FARS2: variants seen among roughly 807,000 people sequenced by gnomAD.
FARS2 encodes phenylalanine--tRNA ligase, mitochondrial.
Under a neutral mutation model 46.4 loss-of-function variants are expected in FARS2, and 40 were observed. The ratio of observed to expected loss-of-function variants is 0.86; its 90% CI spans 0.67 to 1.12. The LOEUF (loss-of-function observed/expected upper bound fraction) is 1.12, where lower values mean the gene tolerates loss of function less well. Ranked by LOEUF, FARS2 falls within the 50% of genes most tolerant of loss-of-function variation. FARS2 has a pLI of 0.00. For synonymous variants in FARS2, 234 were observed against 214.9 expected (o/e 1.09, Z -0.78); for missense variants, 513 against 567.9 (o/e 0.90, Z 0.98).
chr6:5,307,518 G>T (rs183435069), intron 1 of FARS2, among the ~76,000 whole-genome samples: 1 of 152,052 alleles, frequency 6.6e-6, no homozygotes, highest in African/African-American at 2.4e-5. Flanking sequence ...CACAATTTCC[G>T]TCGTATCATA....
intron 6 of FARS2, among the ~76,000 whole-genome samples, chr6:5,694,677 T>C (rs761709219): frequency 6.6e-6 from 1 of 151,974 alleles, no homozygotes; most frequent in Non-Finnish European, 1.5e-5. Context: ...TGCCTATGAG[T>C]TCTCATTTGA....
chr6:5,260,894 A>G, upstream of FARS2: 1 of 1,397,410 alleles, frequency 7.2e-7, no homozygotes, highest in South Asian at 1.6e-5. Context: ...AGCCCTGCGG[A>G]TCGCGGACGG....
At chr6:5,391,820 A>C (rs764853857) in intron 2 of FARS2, among the ~76,000 whole-genome samples, 7 of 152,190 alleles carry the variant, frequency 4.6e-5, no homozygotes, top group Non-Finnish European at 1.0e-4. Flanking sequence ...TGGCTTTTGC[A>C]ATCTACTTTT....
Position 5,765,236 on chromosome 6 carries a change from CA to C in FARS2, c.1218-6054del, listed in dbSNP as rs1762691377. On this transcript the variant is annotated intron_variant, in intron 6 of 6. Coordinates refer to ENST00000274680, the MANE Select transcript of FARS2 (RefSeq NM_006567.5). This position sits in a 1 kb window ranked among gnomAD's most constrained non-coding sequence, Gnocchi z 4.0. ...CCCTGGCTCTCGGCTTCCACACAAGCAGCTACTCTTGTACAGGATGGTAAAG... is the reference window on the plus strand; with the variant it reads ...CCCTGGCTCTCGGCTTCCACACAAGCGCTACTCTTGTACAGGATGGTAAAG... 6.6e-6 allele frequency among the ~76,000 whole-genome samples: 1 copy of C among 152,252 alleles called. No individual in the cohort carries two copies. Among genetic ancestry groups the C allele is most frequent in the Admixed American group, 6.5e-5 (1 of 15,284 alleles).
chr6:5,622,985 C>T (rs1275348696), intron 6 of FARS2, among the ~76,000 whole-genome samples: 2 of 152,122 alleles, frequency 1.3e-5, no homozygotes, highest in Admixed American at 1.3e-4. Context: ...GTAGAGTCCA[C>T]GTAGTTTAGT....
At chr6:5,258,540 T>C (rs1764787646), upstream of FARS2, among the ~76,000 whole-genome samples, 1 of 152,224 alleles carries the variant, frequency 6.6e-6, no homozygotes, top group Non-Finnish European at 1.5e-5. Context: ...GACAAACAGC[T>C]GCAGAGATTA....
intron 1 of FARS2, among the ~76,000 whole-genome samples, chr6:5,283,246 G>A (rs1009699771): frequency 2.6e-5 from 4 of 151,946 alleles, no homozygotes; most frequent in African/African-American, 7.3e-5. Context: ...GTTGGCATGC[G>A]CCTGTAATCC....
At chr6:5,477,022 T>C (rs1266095782) in intron 4 of FARS2, among the ~76,000 whole-genome samples, 1 of 152,210 alleles carries the variant, frequency 6.6e-6, no homozygotes, top group African/African-American at 2.4e-5. Flanking sequence ...AAAATATCCC[T>C]CTTTCTTTAT....
chr6:5,401,108 A>G (rs572567022), intron 2 of FARS2, among the ~76,000 whole-genome samples: 15 of 151,900 alleles, frequency 9.9e-5, no homozygotes, highest in Non-Finnish European at 1.9e-4. Context: ...TTATTTTTTT[A>G]AGAGGTGAAT....
chr6:5,601,393 G>A (rs191908387), intron 5 of FARS2, among the ~76,000 whole-genome samples: 47 of 151,852 alleles, frequency 3.1e-4, no homozygotes, highest in East Asian at 2.3e-3. Flanking sequence ...GCATGGTGGC[G>A]GGCGCCTGTA....
intron 4 of FARS2, among the ~76,000 whole-genome samples, chr6:5,496,910 C>G (rs1478466654): frequency 6.6e-6 from 1 of 152,048 alleles, no homozygotes; most frequent in Non-Finnish European, 1.5e-5. Flanking sequence ...ATTCAAACTC[C>G]TGACCTCAAG....
At chr6:5,370,214 A>G (rs1217092600) in intron 2 of FARS2, among the ~76,000 whole-genome samples, 1 of 152,206 alleles carries the variant, frequency 6.6e-6, no homozygotes, top group Non-Finnish European at 1.5e-5. Flanking sequence ...GTCCTATAGC[A>G]GGAGATAACT....
chr6:5,660,026 T>C (rs1777779282), intron 6 of FARS2, among the ~76,000 whole-genome samples: 1 of 152,216 alleles, frequency 6.6e-6, no homozygotes, highest in South Asian at 2.1e-4. Context: ...CCCACCTGTG[T>C]TATTGCTTAG....
intron 6 of FARS2, among the ~76,000 whole-genome samples, chr6:5,619,237 T>C (rs957901318): frequency 1.3e-5 from 2 of 152,160 alleles, no homozygotes; most frequent in African/African-American, 2.4e-5. Context: ...AGACAGACCT[T>C]TTTGAGAGTG....
At chr6:5,636,473 CA>C (rs1320273169) in intron 6 of FARS2, among the ~76,000 whole-genome samples, 2 of 152,234 alleles carry the variant, frequency 1.3e-5, no homozygotes, top group Non-Finnish European at 2.9e-5. Flanking sequence ...TGGACCCGGA[CA>C]GATGCTTGAC....
chr6:5,689,714 T>C (rs1757540631), intron 6 of FARS2, among the ~76,000 whole-genome samples: 1 of 152,168 alleles, frequency 6.6e-6, no homozygotes, highest in African/African-American at 2.4e-5. Context: ...GTCTATTAGG[T>C]CCGCTTGGTG....
intron 6 of FARS2, among the ~76,000 whole-genome samples, chr6:5,646,045 A>G (rs1187621725): frequency 6.6e-6 from 1 of 152,090 alleles, no homozygotes; most frequent in Non-Finnish European, 1.5e-5. Flanking sequence ...TAAGTCTCGT[A>G]TGGTTTGGTG....
At chr6:5,436,116 G>A (rs547550991) in intron 4 of FARS2, among the ~76,000 whole-genome samples, 9 of 152,308 alleles carry the variant, frequency 5.9e-5, no homozygotes, top group African/African-American at 1.2e-4. Context: ...CAGGGGTACC[G>A]TGGGCACAAT....
At chr6:5,321,274 A>G (rs969714714) in intron 1 of FARS2, among the ~76,000 whole-genome samples, 2 of 152,218 alleles carry the variant, frequency 1.3e-5, no homozygotes, top group Non-Finnish European at 2.9e-5. Flanking sequence ...TTAGACTTCT[A>G]AAATCCTATG....
Sources: allele counts gnomAD v4.1 joint callset (sites outside exome capture counted in the v4.1 genomes callset), GRCh38; gene constraint gnomAD v4.1.1; non-coding constraint Gnocchi (gnomAD v3.1); transcripts MANE v1.5; gene names NCBI Gene and HGNC (gene_info 2026-07-23, HGNC 2026-07-21).